PRRG1: variants seen among roughly 807,000 people sequenced by gnomAD.
The protein encoded by PRRG1 is proline rich and Gla domain 1, also known as transmembrane gamma-carboxyglutamic acid protein 1.
PRRG1 carries 5 observed loss-of-function variants against 11.8 expected under a neutral mutation model. That is an observed-to-expected ratio of 0.42 (90% CI 0.22 to 0.89). The LOEUF (loss-of-function observed/expected upper bound fraction) is 0.89, where lower values mean the gene tolerates loss of function less well. Among genes scored for constraint, PRRG1 ranks in the 40% least tolerant of loss-of-function variants. The pLI is 0.28. For synonymous variants in PRRG1, 66 were observed against 60.4 expected, an observed-to-expected ratio of 1.09 and a Z score of -0.43; for missense variants, 155 against 166.1, an observed-to-expected ratio of 0.93 and a Z score of 0.37.
intron 3 of PRRG1, chrX:37,441,065 C>T (rs1419051535): frequency 1.1e-5 from 10 of 943,182 alleles, no homozygotes; most frequent in African/African-American, 2.0e-5. Flanking sequence ...ACACCATGCC[C>T]GGCCATCTAT....
chrX:37,372,427 CCA>C (rs782338254), intron 1 of PRRG1, among the ~76,000 whole-genome samples: 7 of 112,050 alleles, frequency 6.2e-5, no homozygotes, highest in Non-Finnish European at 3.8e-5. Flanking sequence ...CTTCAGCCTC[CCA>C]AGTAGTTGGG....
At chrX:37,389,721 T>C (rs1556376124) in intron 1 of PRRG1, among the ~76,000 whole-genome samples, 1 of 111,772 alleles carries the variant, frequency 8.9e-6, no homozygotes, top group Non-Finnish European at 1.9e-5. Flanking sequence ...CCTTCTACAT[T>C]GGGAATTACA....
At chrX:37,446,141 A>G (rs1228550516) in intron 3 of PRRG1, among the ~76,000 whole-genome samples, 2 of 112,361 alleles carry the variant, frequency 1.8e-5, no homozygotes, top group South Asian at 7.4e-4. Context: ...AAAGCAATAT[A>G]CTGTATTAAT....
chrX:37,444,446 A>G (rs1047269810), intron 3 of PRRG1, among the ~76,000 whole-genome samples: 3 of 112,033 alleles, frequency 2.7e-5, no homozygotes, highest in Non-Finnish European at 5.6e-5. Flanking sequence ...AAGTCATTAA[A>G]TTTTTTTGTG....
At chrX:37,384,933 T>G (rs1403235852) in intron 1 of PRRG1, among the ~76,000 whole-genome samples, 1 of 111,541 alleles carries the variant, frequency 9.0e-6, no homozygotes, top group East Asian at 2.8e-4. Context: ...TTAATTCTAC[T>G]TCTACACCCA....
chrX:37,416,342 T>C (rs782517325), intron 2 of PRRG1, among the ~76,000 whole-genome samples: 2 of 112,446 alleles, frequency 1.8e-5, no homozygotes, highest in Non-Finnish European at 3.8e-5. Context: ...AAAGCAATCA[T>C]TGCAATATAA....
intron 2 of PRRG1, among the ~76,000 whole-genome samples, chrX:37,418,008 A>G (rs1213591642): frequency 2.7e-5 from 3 of 112,010 alleles, no homozygotes; most frequent in East Asian, 2.8e-4. Flanking sequence ...ATTCTTTCCA[A>G]TTATAGAACT....
intron 2 of PRRG1, among the ~76,000 whole-genome samples, chrX:37,414,311 C>T (rs1423701509): frequency 9.0e-6 from 1 of 111,705 alleles, no homozygotes; most frequent in African/African-American, 3.3e-5. Flanking sequence ...TCTTTTCATT[C>T]TCTCGATATA....
intron 2 of PRRG1, among the ~76,000 whole-genome samples, chrX:37,415,268 G>T (rs182056936): frequency 2.0e-4 from 22 of 111,036 alleles, no homozygotes; most frequent in Non-Finnish European, 4.2e-4. Flanking sequence ...AATTACCCGC[G>T]CACGGTGGTG....
At chrX:37,400,615 C>CA (rs1198071073) in intron 1 of PRRG1, among the ~76,000 whole-genome samples, 16 of 110,577 alleles carry the variant, frequency 1.4e-4, no homozygotes, top group Non-Finnish European at 2.3e-4. Flanking sequence ...CAGCAGAAGG[C>CA]AAAAAAATAA....
At chrX:37,408,519 A>T (rs1005417835) in intron 2 of PRRG1, among the ~76,000 whole-genome samples, 4 of 111,564 alleles carry the variant, frequency 3.6e-5, no homozygotes, top group Admixed American at 9.5e-5. Context: ...GTTGCCAGGA[A>T]CATGTTGGGG....
chrX:37,369,851 C>T (rs1556370349), intron 1 of PRRG1, among the ~76,000 whole-genome samples: 4 of 111,606 alleles, frequency 3.6e-5, no homozygotes, highest in African/African-American at 1.3e-4. Flanking sequence ...TGCACATGCT[C>T]TCTTGCCTGC....
chrX:37,371,953 A>G (rs1320727916), intron 1 of PRRG1, among the ~76,000 whole-genome samples: 8 of 113,270 alleles, frequency 7.1e-5, no homozygotes, highest in Non-Finnish European at 1.5e-4. Context: ...GCCACTGGCC[A>G]CAGAGGTTTC....
At chrX:37,379,676 T>C (rs1453520898) in intron 1 of PRRG1, among the ~76,000 whole-genome samples, 1 of 111,727 alleles carries the variant, frequency 9.0e-6, no homozygotes, top group African/African-American at 3.2e-5. Flanking sequence ...TTTTGTGTTA[T>C]AGATAAAGTA....
intron 1 of PRRG1, among the ~76,000 whole-genome samples, chrX:37,375,105 A>T (rs1930895363): frequency 9.0e-6 from 1 of 111,720 alleles, no homozygotes; most frequent in South Asian, 3.7e-4. Flanking sequence ...GAGATATGTA[A>T]TTCTTTCTGT....
chrX:37,409,368 T>A (rs1392790011), intron 2 of PRRG1, among the ~76,000 whole-genome samples: 1 of 112,012 alleles, frequency 8.9e-6, no homozygotes, highest in East Asian at 2.8e-4. Context: ...AAAATTTGCA[T>A]AGAAATTAAC....
At chrX:37,449,472 A>G (rs1195537929) in intron 3 of PRRG1, among the ~76,000 whole-genome samples, 3 of 112,393 alleles carry the variant, frequency 2.7e-5, no homozygotes, top group Non-Finnish European at 5.6e-5. Flanking sequence ...AAACAGAAAA[A>G]GCACACATTT....
intron 3 of PRRG1, among the ~76,000 whole-genome samples, chrX:37,429,316 GCT>G (rs1349507204): frequency 1.8e-5 from 2 of 111,627 alleles, no homozygotes; most frequent in Non-Finnish European, 3.8e-5. Flanking sequence ...AAACTTTTAT[GCT>G]CTGTTTTCCT....
At chrX:37,423,527 T>A (rs1056102272) in intron 2 of PRRG1, among the ~76,000 whole-genome samples, 1 of 110,036 alleles carries the variant, frequency 9.1e-6, no homozygotes, top group Admixed American at 9.7e-5. Context: ...TTTTATTTTT[T>A]AATTTAATTT....
Sources: gnomAD v4.1 joint callset for allele counts (sites outside exome capture counted in the v4.1 genomes callset) on GRCh38, gnomAD v4.1.1 for gene constraint, MANE v1.5 for transcripts, NCBI Gene and HGNC (gene_info 2026-07-23, HGNC 2026-07-21) for gene names.